BCAS1: variants seen among roughly 807,000 people sequenced by gnomAD.
BCAS1 encodes brain enriched myelin associated protein 1.
A neutral mutation model predicts 65.4 loss-of-function variants in BCAS1; 46 were observed. The ratio of observed to expected loss-of-function variants is 0.70; its 90% CI spans 0.55 to 0.90. The LOEUF (loss-of-function observed/expected upper bound fraction) is 0.90, where lower values mean the gene tolerates loss of function less well. BCAS1 is among the 40% of genes least tolerant of loss of function. The pLI is 0.00. For synonymous variants in BCAS1, 298 were observed against 293.5 expected, an observed-to-expected ratio of 1.02 and a Z score of -0.16; for missense variants, 793 against 771.2, an observed-to-expected ratio of 1.03 and a Z score of -0.33.
At chr20:54,051,429 G>A (rs1333518452) in intron 3 of BCAS1, among the ~76,000 whole-genome samples, 2 of 152,194 alleles carry the variant, frequency 1.3e-5, no homozygotes, top group African/African-American at 4.8e-5. Flanking sequence ...GGGAGGTGAA[G>A]AGGTACCAGA....
At chr20:54,006,248 C>A (rs2085493682) in intron 4 of BCAS1, among the ~76,000 whole-genome samples, 1 of 152,182 alleles carries the variant, frequency 6.6e-6, no homozygotes, top group Admixed American at 6.5e-5. Context: ...GCCCTTTCCC[C>A]TTAACCCCTC....
intron 8 of BCAS1, among the ~76,000 whole-genome samples, chr20:53,984,268 T>C (rs1285500610): frequency 1.3e-5 from 2 of 152,210 alleles, no homozygotes; most frequent in Non-Finnish European, 2.9e-5. Flanking sequence ...TGGTAAAAGA[T>C]ATTTTAAGAT....
Position 53,944,891 on chromosome 20 carries a change from G to A in BCAS1, c.*31C>T, listed in dbSNP as rs780538789. 6.2e-7 allele frequency: 1 copy of A among 1,601,908 alleles called. No individual in the cohort carries two copies. The highest frequency in any genetic ancestry group is 2.2e-5 in the East Asian group (1 of 44,824). On this transcript the variant is annotated 3_prime_UTR_variant, in exon 13 of 13. Coordinates refer to ENST00000688948, the MANE Select transcript of BCAS1 (RefSeq NM_001366298.2). ...GTAAGGAGAACACATCTTGGTGGCA[G>A]GAGAACCTGGTGGGAACCGTGCTGA...
intron 4 of BCAS1, among the ~76,000 whole-genome samples, chr20:54,027,091 G>A (rs1255583612): frequency 6.6e-6 from 1 of 152,214 alleles, no homozygotes; most frequent in Non-Finnish European, 1.5e-5. Flanking sequence ...CCGGCTTCTT[G>A]AACTGGTGAA....
intron 7 of BCAS1, among the ~76,000 whole-genome samples, chr20:53,990,254 G>C (rs2090721698): frequency 6.6e-6 from 1 of 152,182 alleles, no homozygotes; most frequent in Admixed American, 6.5e-5. Context: ...GCATGGCAAA[G>C]GCATTCTAAA....
rs60589876 is a variant in BCAS1, at chr20:54,027,419, C to G, written c.723+973G>C. Among the ~76,000 whole-genome samples, 100 of 152,302 alleles carry G rather than the reference C, an allele frequency of 6.6e-4. No individual in the cohort carries two copies. The East Asian group carries it at 0.015, about 23-fold the overall frequency. The stretch of plus-strand genomic sequence containing the variant: ...CACATTGAACATTTTCAATAAATGA[C>G]AGCAAGTGTAATTATTAGCACTTCG... On this transcript the variant is annotated intron_variant, in intron 4 of 12. Coordinates refer to ENST00000688948, the MANE Select transcript of BCAS1 (RefSeq NM_001366298.2).
Position 53,966,940 on chromosome 20 carries a change from G to T in BCAS1, c.1451C>A (p.Pro484Gln). The T allele has an allele frequency of 1.9e-6, 3 of 1,612,790 alleles. No individual in the cohort carries two copies. The highest frequency in any genetic ancestry group is 2.2e-5 in the East Asian group (1 of 44,858). Reference protein sequence around the residue: ...EAKLKREESKPRTSLMAFLRQ... With the variant: ...EAKLKREESKQRTSLMAFLRQ... ...GAGAAACGCCATCAGAGAGGTTCTT[G>T]GTTTGCTTTCTTCTCTTTTGAGTTT... is the stretch of plus-strand genomic sequence containing the variant. Residue 484 changes from proline (P) to glutamine (Q), a missense_variant, in exon 10 of 13, where the codon CCA becomes CAA. Physicochemically the swap from Pro to Gln is moderately conservative, Grantham distance 76. Coordinates refer to ENST00000688948, the MANE Select transcript of BCAS1 (RefSeq NM_001366298.2).
chr20:53,965,966 G>T (rs1026265574), intron 10 of BCAS1, among the ~76,000 whole-genome samples: 6 of 152,030 alleles, frequency 3.9e-5, no homozygotes, highest in Non-Finnish European at 7.4e-5. Context: ...TTAAAAGGCC[G>T]AAAAAAAGAA....
At chr20:54,033,396 C>A (rs552528749) in intron 3 of BCAS1, among the ~76,000 whole-genome samples, 2 of 149,628 alleles carry the variant, frequency 1.3e-5, no homozygotes, top group East Asian at 3.9e-4. Flanking sequence ...TAAAATAGAC[C>A]ATTAGCTAGA....
intron 3 of BCAS1, among the ~76,000 whole-genome samples, chr20:54,052,494 A>G (rs915269173): frequency 6.6e-6 from 1 of 152,172 alleles, no homozygotes; most frequent in Non-Finnish European, 1.5e-5. Flanking sequence ...GTGTCCCCCA[A>G]AATTCATATG....
chr20:54,011,600 A>G (rs909717274), intron 4 of BCAS1, among the ~76,000 whole-genome samples: 6 of 152,254 alleles, frequency 3.9e-5, no homozygotes, highest in African/African-American at 1.4e-4. Flanking sequence ...AATGCTGGGA[A>G]GGATGCAAGA....
intron 4 of BCAS1, among the ~76,000 whole-genome samples, chr20:54,026,276 C>G (rs1041393599): frequency 1.3e-5 from 2 of 152,172 alleles, no homozygotes; most frequent in African/African-American, 4.8e-5. Context: ...TTTTCTGACT[C>G]AAATCTCATT....
At chr20:54,054,218 C>T (rs2092262408) in intron 3 of BCAS1, among the ~76,000 whole-genome samples, 1 of 152,146 alleles carries the variant, frequency 6.6e-6, no homozygotes, top group Non-Finnish European at 1.5e-5. Context: ...ATGGGAGCTA[C>T]AGTTCAAGAT....
chr20:53,987,151 G>A (rs1253158108), intron 7 of BCAS1, among the ~76,000 whole-genome samples: 1 of 152,164 alleles, frequency 6.6e-6, no homozygotes, highest in Non-Finnish European at 1.5e-5. Flanking sequence ...TTTGATGCAA[G>A]ACACAACATC....
chr20:53,966,233 C>T (rs1316268223), intron 10 of BCAS1, among the ~76,000 whole-genome samples: 2 of 152,150 alleles, frequency 1.3e-5, no homozygotes, highest in East Asian at 3.8e-4. Flanking sequence ...AACCTAAGTG[C>T]CCATCAACCA....
intron 3 of BCAS1, among the ~76,000 whole-genome samples, chr20:54,036,364 G>A (rs2091899779): frequency 6.6e-6 from 1 of 151,290 alleles, no homozygotes; most frequent in African/African-American, 2.4e-5. Context: ...TATTTAGAAG[G>A]TAGAGTTGAA....
intron 7 of BCAS1, among the ~76,000 whole-genome samples, chr20:53,985,946 A>T (rs1186087595): frequency 6.6e-6 from 1 of 152,226 alleles, no homozygotes; most frequent in Non-Finnish European, 1.5e-5. Flanking sequence ...TTAGAAATTA[A>T]AGGAGAGTTA....
In BCAS1 at chr20:54,031,092, A is replaced by G. The variant is rs80016689; in HGVS notation, c.143-2120T>C. On this transcript the variant is annotated intron_variant, in intron 3 of 12. Transcript: ENST00000688948. ...GGCTTTTCAAAATGCCAAGAGCACC[A>G]ACTTATATCTTTCAGTTTAATTCCT... Among the ~76,000 whole-genome samples the G allele has an allele frequency of 9.8e-3, 1,486 of 151,534 alleles. 40 individuals carry two copies. The highest frequency in any genetic ancestry group is 0.034 in the African/African-American group (1,391 of 41,498).
chr20:53,950,271 T>A (rs1201979036), intron 12 of BCAS1, among the ~76,000 whole-genome samples: 1 of 151,964 alleles, frequency 6.6e-6, no homozygotes, highest in Non-Finnish European at 1.5e-5. Flanking sequence ...TGTACTAAGC[T>A]CACTAAGCTC....
Sources: allele counts gnomAD v4.1 joint callset (sites outside exome capture counted in the v4.1 genomes callset), GRCh38; gene constraint gnomAD v4.1.1; transcripts MANE v1.5; gene names NCBI Gene and HGNC (gene_info 2026-07-23, HGNC 2026-07-21).